The following PTPN2 variants were observed in gnomAD, a reference collection of about 807,000 sequenced individuals.
PTPN2 encodes tyrosine-protein phosphatase non-receptor type 2.
In PTPN2, 19 loss-of-function variants were observed where a neutral mutation model predicts 57.3. The observed-to-expected ratio is 0.33, with a 90% CI of 0.23 to 0.49. PTPN2 has a LOEUF of 0.49. Among genes scored for constraint, PTPN2 ranks in the 20% least tolerant of loss-of-function variants. The pLI is 0.99. For synonymous variants in PTPN2, 153 were observed against 164.9 expected (o/e 0.93, Z 0.55); for missense variants, 358 against 501.1 (o/e 0.71, Z 2.73).
chr18:12,793,053 G>A lies in PTPN2; in HGVS notation c.*1225C>T. 1 of 985,342 alleles carries A rather than the reference G, an allele frequency of 1.0e-6. No individual in the cohort carries two copies. Among genetic ancestry groups the A allele is most frequent in the Non-Finnish European group, 1.2e-6 (1 of 829,890 alleles). 61.0% of individuals were successfully genotyped at this position (985,342 alleles called of 1,614,324 possible). ...ATAGTTTGAAAACCACTGAAATAAG[G>A]TATGCTATCCATAATAATGTATGCT... On this transcript the variant is annotated 3_prime_UTR_variant, in exon 9 of 9. Transcript: ENST00000309660.
In PTPN2 at chr18:12,883,812, A is replaced by G. The variant is rs557251751; in HGVS notation, c.69+261T>C. On this transcript the variant is annotated intron_variant, in intron 1 of 8. Transcript: ENST00000309660. ...GCGCTCCCCAAGAAGCCGCTGTGGCACCGCCCTCCAGAACTAACTGCGCTT... is the reference window on the plus strand; with the variant it reads ...GCGCTCCCCAAGAAGCCGCTGTGGCGCCGCCCTCCAGAACTAACTGCGCTT... 1.0e-4 allele frequency: 34 copies of G among 331,256 alleles called. No homozygotes were observed. In the South Asian group the frequency reaches 2.9e-3, roughly 28 times the overall value. 20.5% of individuals were successfully genotyped at this position (331,256 alleles called of 1,614,324 possible).
intron 4 of PTPN2, among the ~76,000 whole-genome samples, chr18:12,826,230 C>T (rs1053073703): frequency 1.4e-4 from 21 of 152,270 alleles, no homozygotes; most frequent in Admixed American, 1.2e-3. Flanking sequence ...TGGTGAAACC[C>T]TGTCTCTACT....
chr18:12,864,472 T>G (rs1248725763), intron 1 of PTPN2, among the ~76,000 whole-genome samples: 1 of 151,790 alleles, frequency 6.6e-6, no homozygotes, highest in Non-Finnish European at 1.5e-5. Flanking sequence ...CTCGGCTCAC[T>G]GCAACCTCAG....
At chr18:12,816,420 G>C (rs2042075923) in intron 6 of PTPN2, among the ~76,000 whole-genome samples, 1 of 152,202 alleles carries the variant, frequency 6.6e-6, no homozygotes, top group South Asian at 2.1e-4. Context: ...GACTACTGAA[G>C]GAGTAGATGG....
chr18:12,844,089 G>A (rs1456434208), intron 2 of PTPN2: 5 of 152,240 alleles, frequency 3.3e-5, no homozygotes, highest in Non-Finnish European at 7.3e-5. Context: ...TAAGTCCTCT[G>A]AGAGCTACCC....
chr18:12,813,865 A>G (rs953150391), intron 7 of PTPN2, among the ~76,000 whole-genome samples: 2 of 152,244 alleles, frequency 1.3e-5, no homozygotes, highest in Non-Finnish European at 1.5e-5. Context: ...AATATCACAT[A>G]AACCAAGTAT....
intron 2 of PTPN2, among the ~76,000 whole-genome samples, chr18:12,844,651 C>G (rs2043155888): frequency 6.6e-6 from 1 of 152,112 alleles, no homozygotes; most frequent in Non-Finnish European, 1.5e-5. Flanking sequence ...TAGTCCAGAT[C>G]TAAGTTCTTT....
chr18:12,834,721 G>GA (rs140091439), intron 3 of PTPN2, among the ~76,000 whole-genome samples: 10,050 of 147,730 alleles, frequency 0.068, 448 homozygotes, highest in East Asian at 0.14. Context: ...CAGACTGGAG[G>GA]AGAAAAAAAA....
chr18:12,860,192 G>A (rs2043746655), intron 1 of PTPN2, among the ~76,000 whole-genome samples: 1 of 152,086 alleles, frequency 6.6e-6, no homozygotes, highest in Admixed American at 6.6e-5. Context: ...GGGAGGCTGA[G>A]GCAGAAGAAT....
rs189998852 is a variant in PTPN2 at position 12,811,307 on chromosome 18, A to G, written c.858+2896T>C. Among the ~76,000 whole-genome samples, 34 of 152,258 alleles carry G rather than the reference A, an allele frequency of 2.2e-4. 1 individual carries two copies. Among genetic ancestry groups the G allele is most frequent in the African/African-American group, 8.2e-4 (34 of 41,550 alleles). ...ATTGTCTCCAGAATTTACACTGGTC[A>G]ATTTTTGAAGTTTCCACTCTTGACT... On this transcript the variant is annotated intron_variant, in intron 7 of 8. Coordinates refer to ENST00000309660, the MANE Select transcript of PTPN2 (RefSeq NM_002828.4).
downstream of PTPN2, among the ~76,000 whole-genome samples, chr18:12,790,332 G>A (rs146412657): frequency 1.1e-4 from 17 of 152,240 alleles, no homozygotes; most frequent in East Asian, 3.1e-3. Context: ...TACTCATTAT[G>A]GTATACAATA....
chr18:12,817,573 G>A (rs1041114212), intron 5 of PTPN2, among the ~76,000 whole-genome samples: 1 of 152,060 alleles, frequency 6.6e-6, no homozygotes, highest in Non-Finnish European at 1.5e-5. Context: ...AATAGCTAAC[G>A]CATACAACAC....
chr18:12,871,775 C>A (rs779484166), intron 1 of PTPN2, among the ~76,000 whole-genome samples: 15 of 152,056 alleles, frequency 9.9e-5, no homozygotes, highest in African/African-American at 2.9e-4. Context: ...TGAGGCAGGG[C>A]AGGCATGTTG....
intron 5 of PTPN2, among the ~76,000 whole-genome samples, chr18:12,825,131 A>G (rs539215642): frequency 1.3e-5 from 2 of 152,220 alleles, no homozygotes; most frequent in Admixed American, 1.3e-4. Context: ...CAAACACCCA[A>G]GTAAATGTTC....
In PTPN2 at chr18:12,800,970, C is replaced by T. The variant is rs537277346; in HGVS notation, c.1040+1000G>A. Among the ~76,000 whole-genome samples the T allele has an allele frequency of 6.6e-5, 10 of 152,250 alleles. No homozygotes were observed. The South Asian group carries it at 8.3e-4, about 13-fold the overall frequency. ...TTCTTTCTCCAGTAATGCAATTAAG[C>T]TTACATGTTTAAATGTTTTATTAAA... On this transcript the variant is annotated intron_variant, in intron 8 of 8. Transcript: ENST00000309660.
At chr18:12,787,689 T>A (rs1181601206), downstream of PTPN2, 1 of 152,212 alleles carries the variant, frequency 6.6e-6, no homozygotes, top group Non-Finnish European at 1.5e-5. Flanking sequence ...AAGACTTTAC[T>A]TGCAAGACTG....
intron 1 of PTPN2, among the ~76,000 whole-genome samples, chr18:12,874,089 C>A (rs910950209): frequency 1.3e-5 from 2 of 151,624 alleles, no homozygotes; most frequent in Non-Finnish European, 2.9e-5. Flanking sequence ...CCCCTCCGCC[C>A]GGCAGCCACC....
intron 5 of PTPN2, among the ~76,000 whole-genome samples, chr18:12,820,330 A>G (rs774623480): frequency 6.6e-6 from 1 of 152,164 alleles, no homozygotes; most frequent in East Asian, 1.9e-4. Flanking sequence ...CAGAAACAAG[A>G]TTAAAAAAAC....
chr18:12,825,753 G>C (rs777375872), intron 5 of PTPN2, 57 bp downstream of exon 5: 105 of 1,491,962 alleles, frequency 7.0e-5, no homozygotes, highest in Non-Finnish European at 9.0e-5. Flanking sequence ...TAATAATAAA[G>C]AATAATTCTT....
Sources: gnomAD v4.1 joint callset for allele counts (sites outside exome capture counted in the v4.1 genomes callset) on GRCh38, gnomAD v4.1.1 for gene constraint, MANE v1.5 for transcripts, NCBI Gene and HGNC (gene_info 2026-07-23, HGNC 2026-07-21) for gene names.